Variants in SCNN1B observed in about 807,000 individuals in gnomAD.
SCNN1B encodes the protein sodium channel epithelial 1 subunit beta.
Under a neutral mutation model 65.3 loss-of-function variants are expected in SCNN1B, and 46 were observed. That is an observed-to-expected ratio of 0.70 (90% CI 0.56 to 0.90). The LOEUF (loss-of-function observed/expected upper bound fraction) is 0.90, where lower values mean the gene tolerates loss of function less well. SCNN1B is among the 40% of genes least tolerant of loss of function. SCNN1B has a pLI of 0.00. For synonymous variants in SCNN1B, 349 were observed against 330.6 expected (o/e 1.06, Z -0.60); for missense variants, 751 against 830.5 (o/e 0.90, Z 1.18).
chr16:23,315,182 G>T (rs1033090036), intron 1 of SCNN1B, among the ~76,000 whole-genome samples: 1 of 152,010 alleles, frequency 6.6e-6, no homozygotes, highest in East Asian at 1.9e-4. Context: ...TACTAAAAAT[G>T]TAAAATTAGC....
At chr16:23,286,006 A>G (rs963217294) in intron 2 of SCNN1B, among the ~76,000 whole-genome samples, 3 of 151,372 alleles carry the variant, frequency 2.0e-5, no homozygotes. Flanking sequence ...GAAACATATT[A>G]AATCTATTTT....
chr16:23,380,338 A>C lies in SCNN1B; in HGVS notation c.1543-83A>C. ...TCACCCCCTCCCGTTCCCACCCAAG[A>C]ATCACCTCCCAGGAAGCTGTGAGGC... is the stretch of plus-strand genomic sequence containing the variant. On this transcript the variant is annotated intron_variant, in intron 12 of 12. Coordinates refer to ENST00000343070, the MANE Select transcript of SCNN1B (RefSeq NM_000336.3). The surrounding 1 kb of genome is among the most constrained non-coding windows in gnomAD (Gnocchi z 5.4). 6.2e-7 allele frequency: 1 copy of C among 1,606,150 alleles called. No individual in the cohort carries two copies. The highest frequency in any genetic ancestry group is 1.1e-5 in the South Asian group (1 of 90,808).
chr16:23,355,242 TG>T, intron 3 of SCNN1B, 56 bp from the exon 4 acceptor site: 1 of 1,551,664 alleles, frequency 6.4e-7, no homozygotes, highest in Middle Eastern at 1.7e-4. Context: ...GAGCAGTGGC[TG>T]GGGTCCTGCT....
chr16:23,305,543 T>C (rs1238564416), intron 1 of SCNN1B, among the ~76,000 whole-genome samples: 1 of 29,650 alleles, frequency 3.4e-5, no homozygotes, highest in Non-Finnish European at 4.9e-5. Flanking sequence ...ATTATATATA[T>C]ATATATATAT....
chr16:23,306,594 C>A (rs1250238676), intron 1 of SCNN1B, among the ~76,000 whole-genome samples: 1 of 152,128 alleles, frequency 6.6e-6, no homozygotes, highest in Non-Finnish European at 1.5e-5. Context: ...TAAGACGCTG[C>A]AATACCTTTT....
chr16:23,371,608 G>C (rs1216065471), intron 6 of SCNN1B, 146 bp downstream of exon 6: 1 of 1,071,638 alleles, frequency 9.3e-7, no homozygotes, highest in African/African-American at 1.6e-5. Flanking sequence ...CCCCCAGGGT[G>C]GCCCAAGCTT....
At chr16:23,305,119 C>A (rs1382437212) in intron 1 of SCNN1B, among the ~76,000 whole-genome samples, 1 of 151,988 alleles carries the variant, frequency 6.6e-6, no homozygotes. Context: ...TGTTGAGAGC[C>A]AAGCCCAGCT....
At chr16:23,377,733 CCCA>C (rs1962942113) in intron 10 of SCNN1B, among the ~76,000 whole-genome samples, 2 of 148,786 alleles carry the variant, frequency 1.3e-5, no homozygotes, top group Admixed American at 6.7e-5. Flanking sequence ...TCCCTCCCTC[CCCA>C]CTTCTGTTTC....
chr16:23,371,281 AC>A lies in SCNN1B; in HGVS notation c.881-14del. On this transcript the variant is annotated splice_polypyrimidine_tract_variant and intron_variant, in intron 5 of 12. Transcript: ENST00000343070. ...TCAGGAGAAAGTTCAGGCAGCCCTC[AC>A]CCCACCCTCCCCACAGGCCTGAAGT... 1 of 1,613,396 alleles carries A rather than the reference AC, an allele frequency of 6.2e-7. No homozygotes were observed. The highest frequency in any genetic ancestry group is 1.1e-5 in the South Asian group (1 of 90,988).
chr16:23,353,239 A>C (rs568468729), intron 3 of SCNN1B, 165 bp downstream of exon 3: 5 of 810,870 alleles, frequency 6.2e-6, no homozygotes, highest in Non-Finnish European at 9.8e-6. Flanking sequence ...AATTTTTGGC[A>C]TGTTAGTCAA....
intron 1 of SCNN1B, among the ~76,000 whole-genome samples, chr16:23,334,042 A>G (rs929770263): frequency 3.3e-5 from 5 of 152,136 alleles, no homozygotes; most frequent in African/African-American, 1.2e-4. Flanking sequence ...ACTCATCACC[A>G]TGTAAGGTTG....
intron 1 of SCNN1B, among the ~76,000 whole-genome samples, chr16:23,330,514 C>T (rs1365624913): frequency 6.6e-6 from 1 of 152,112 alleles, no homozygotes; most frequent in Non-Finnish European, 1.5e-5. Context: ...CTGTGCAGTG[C>T]CTGAGGGGCA....
At position 23,319,460 on chromosome 16, in the gene SCNN1B, AATGGTTTAC is replaced by A. The variant is rs549843298; in HGVS notation, c.-9+17030_-9+17038del. ...TTTTTTGTGCAGCTTGTGAGTTAAG[AATGGTTTAC>A]ATGGTTGAAAAAAAAAAATCACATT... On this transcript the variant is annotated intron_variant, in intron 1 of 12. Transcript: ENST00000343070. Among the ~76,000 whole-genome samples, 1,349 of 150,428 alleles carry A rather than the reference AATGGTTTAC, an allele frequency of 9.0e-3. 8 individuals carry two copies. The highest frequency in any genetic ancestry group is 0.013 in the Non-Finnish European group (911 of 68,014).
intron 1 of SCNN1B, among the ~76,000 whole-genome samples, chr16:23,326,793 T>G (rs899672195): frequency 6.6e-6 from 1 of 152,022 alleles, no homozygotes; most frequent in Non-Finnish European, 1.5e-5. Context: ...TACAAATTTA[T>G]GGGGAACAAA....
intron 2 of SCNN1B, among the ~76,000 whole-genome samples, chr16:23,296,902 G>A (rs1189452865): frequency 2.0e-5 from 3 of 150,662 alleles, no homozygotes; most frequent in Non-Finnish European, 4.4e-5. Context: ...CAGGGGAATC[G>A]CTTTAACCCA....
At chr16:23,366,771 A>G (rs239352) in intron 4 of SCNN1B, among the ~76,000 whole-genome samples, 147,539 of 152,304 alleles carry the variant, frequency 0.97, 71,499 homozygotes, top group East Asian at 1. Context: ...TGATCCTCCC[A>G]CTTTGGCCTC....
At position 23,343,459 on chromosome 16, in the gene SCNN1B, A is replaced by G. The variant is rs1470244305; in HGVS notation, c.-8-5133A>G. Among the ~76,000 whole-genome samples, 5 of 132,394 alleles carry G rather than the reference A, an allele frequency of 3.8e-5. No homozygotes were observed. In the East Asian group the frequency reaches 1.0e-3, roughly 27 times the overall value. The allele number at this position is 132,394 out of a possible 152,430, so 86.9% of individuals were successfully genotyped here. A position where few individuals can be genotyped will look rare whatever the true frequency, so the allele number is the denominator to read the frequency against. On this transcript the variant is annotated intron_variant, in intron 1 of 12. Coordinates refer to ENST00000343070, the MANE Select transcript of SCNN1B (RefSeq NM_000336.3). Reference sequence around the variant, plus strand: ...AAGAGCAAAAGTTTGCCAAAAATAAAAAAAGGAAAAGAAAGAAAGGAAGGA... The same window carrying G: ...AAGAGCAAAAGTTTGCCAAAAATAAGAAAAGGAAAAGAAAGAAAGGAAGGA...
chr16:23,377,413 G>A (rs1962924244), intron 10 of SCNN1B, 27 bp downstream of exon 10: 1 of 1,612,760 alleles, frequency 6.2e-7, no homozygotes, highest in African/African-American at 1.3e-5. Context: ...CCAAGCTCCT[G>A]GCTCCCACCT....
upstream of SCNN1B, among the ~76,000 whole-genome samples, chr16:23,300,060 A>G (rs1961051808): frequency 6.6e-6 from 1 of 152,222 alleles, no homozygotes; most frequent in Non-Finnish European, 1.5e-5. Context: ...ATGAAGCTGG[A>G]AACCATCACT....
Sources: gnomAD v4.1 joint callset for allele counts (sites outside exome capture counted in the v4.1 genomes callset) on GRCh38, gnomAD v4.1.1 for gene constraint, Gnocchi (gnomAD v3.1) non-coding constraint, MANE v1.5 for transcripts, NCBI Gene and HGNC (gene_info 2026-07-23, HGNC 2026-07-21) for gene names.